CFAP20DC: variants seen among roughly 807,000 people sequenced by gnomAD.
CFAP20DC encodes CFAP20 domain containing, also known as protein CFAP20DC.
A neutral mutation model predicts 101.7 loss-of-function variants in CFAP20DC; 84 were observed. That is an observed-to-expected ratio of 0.83 (90% CI 0.69 to 0.99). The LOEUF (loss-of-function observed/expected upper bound fraction) is 0.99. CFAP20DC is among the 50% of genes least tolerant of loss of function. The pLI, the probability that CFAP20DC is intolerant of heterozygous loss-of-function variation, is 0.00. For missense variants in CFAP20DC, 1,007 were observed against 970.3 expected (o/e 1.04, Z -0.50); for synonymous variants, 359 against 351.2 (o/e 1.02, Z -0.25).
intron 5 of CFAP20DC, among the ~76,000 whole-genome samples, chr3:58,930,256 C>G (rs1235486414): frequency 3.3e-5 from 5 of 152,178 alleles, no homozygotes; most frequent in African/African-American, 1.2e-4. Context: ...CCCCACAGTC[C>G]TCACTAACCC....
intron 6 of CFAP20DC, among the ~76,000 whole-genome samples, chr3:58,908,999 G>T (rs1307801198): frequency 3.3e-5 from 5 of 152,126 alleles, no homozygotes; most frequent in Non-Finnish European, 5.9e-5. Flanking sequence ...GTTAGGGGAA[G>T]AAAGAAAGAA....
Position 58,899,774 on chromosome 3 carries a change from CT to C in CFAP20DC, c.550+13933del, listed in dbSNP as rs540465130. Among the ~76,000 whole-genome samples, 9 of 152,124 alleles carry C rather than the reference CT, an allele frequency of 5.9e-5. No individual in the cohort carries two copies. The highest frequency in any genetic ancestry group is 1.0e-4 in the Non-Finnish European group (7 of 68,008). On this transcript the variant is annotated intron_variant, in intron 6 of 16. Transcript: ENST00000482387. This position sits in a 1 kb window ranked among gnomAD's most constrained non-coding sequence, Gnocchi z 5.0. Reference sequence around the variant, plus strand: ...CCGGATGGGCCATCACCCCACCCTGCTTTTTTTCCATTCTCTGCAGGTCAAG... The same window carrying C: ...CCGGATGGGCCATCACCCCACCCTGCTTTTTTCCATTCTCTGCAGGTCAAG...
intron 5 of CFAP20DC, among the ~76,000 whole-genome samples, chr3:58,916,229 T>C (rs1191297346): frequency 6.6e-6 from 1 of 152,084 alleles, no homozygotes; most frequent in Admixed American, 6.6e-5. Flanking sequence ...GAGCAACAAA[T>C]ACATTTTCCA....
chr3:58,946,632 C>T (rs959662853), intron 4 of CFAP20DC, among the ~76,000 whole-genome samples: 1 of 152,158 alleles, frequency 6.6e-6, no homozygotes, highest in African/African-American at 2.4e-5. Context: ...CCCTCTGCTC[C>T]TGTCAAACCC....
chr3:58,961,148 A>G (rs2091100577), intron 4 of CFAP20DC, among the ~76,000 whole-genome samples: 2 of 152,148 alleles, frequency 1.3e-5, no homozygotes, highest in African/African-American at 4.8e-5. Context: ...GTTTTCTAAT[A>G]TTTTTGTTGA....
chr3:58,832,318 T>A (rs2076453279), intron 13 of CFAP20DC, among the ~76,000 whole-genome samples: 1 of 152,150 alleles, frequency 6.6e-6, no homozygotes, highest in Admixed American at 6.5e-5. Flanking sequence ...ACTGATGGAA[T>A]TGTTTCTGGA....
At chr3:58,773,485 G>T (rs1179064636) in intron 15 of CFAP20DC, among the ~76,000 whole-genome samples, 7 of 152,028 alleles carry the variant, frequency 4.6e-5, no homozygotes, top group Non-Finnish European at 8.8e-5. Context: ...GAGCCTGGAG[G>T]GTCGAGGCTA....
At chr3:58,855,522 A>C (rs866468007) in intron 12 of CFAP20DC, among the ~76,000 whole-genome samples, 3 of 152,180 alleles carry the variant, frequency 2.0e-5, no homozygotes. Flanking sequence ...ATGCTGCTAT[A>C]AAGACACGTG....
At chr3:58,951,438 C>T (rs1341278275) in intron 4 of CFAP20DC, among the ~76,000 whole-genome samples, 3 of 152,262 alleles carry the variant, frequency 2.0e-5, no homozygotes, top group African/African-American at 7.2e-5. Context: ...AATCATGCTG[C>T]TATAAAGACA....
chr3:58,943,782 A>G (rs1045198257), intron 4 of CFAP20DC, among the ~76,000 whole-genome samples: 8 of 152,160 alleles, frequency 5.3e-5, no homozygotes, highest in Non-Finnish European at 8.8e-5. Flanking sequence ...ACTCTAAGCT[A>G]AAGGAGCATG....
At chr3:58,812,140 A>G (rs1575718783) in intron 14 of CFAP20DC, among the ~76,000 whole-genome samples, 1 of 152,182 alleles carries the variant, frequency 6.6e-6, no homozygotes, top group Non-Finnish European at 1.5e-5. Context: ...TGTGGAAGTC[A>G]GTGTGGCGAT....
chr3:58,850,154 C>T (rs527599219), intron 12 of CFAP20DC, among the ~76,000 whole-genome samples: 1 of 152,050 alleles, frequency 6.6e-6, no homozygotes, highest in African/African-American at 2.4e-5. Context: ...AAATCAATGG[C>T]AATGAAAGTA....
At chr3:58,777,730 CCCCT>C (rs2071461505) in intron 15 of CFAP20DC, among the ~76,000 whole-genome samples, 1 of 152,054 alleles carries the variant, frequency 6.6e-6, no homozygotes, top group Non-Finnish European at 1.5e-5. Context: ...AAGTGGGAGG[CCCCT>C]ACTGGTCCAT....
At chr3:58,753,964 C>CT (rs2068749355) in intron 15 of CFAP20DC, 101 bp from the exon 16 acceptor site, 5 of 699,778 alleles carry the variant, frequency 7.1e-6, no homozygotes, top group Non-Finnish European at 1.2e-5. Context: ...AAAAGAAACA[C>CT]TTTTTTTCCT....
At chr3:58,851,745 G>A (rs768126936) in intron 12 of CFAP20DC, among the ~76,000 whole-genome samples, 18 of 148,538 alleles carry the variant, frequency 1.2e-4, no homozygotes, top group Non-Finnish European at 1.5e-4. Flanking sequence ...ATTACTAACT[G>A]AAAAAAAAAC....
At chr3:58,835,971 T>C (rs2076709459) in intron 13 of CFAP20DC, among the ~76,000 whole-genome samples, 1 of 152,180 alleles carries the variant, frequency 6.6e-6, no homozygotes, top group Non-Finnish European at 1.5e-5. Context: ...AATATCCTTG[T>C]AGGAAAGAGG....
intron 14 of CFAP20DC, among the ~76,000 whole-genome samples, chr3:58,814,301 C>T (rs1001018065): frequency 1.3e-5 from 2 of 151,938 alleles, no homozygotes; most frequent in Non-Finnish European, 2.9e-5. Context: ...TGACTCAGCC[C>T]CTCCTTGCTT....
Position 58,914,696 on chromosome 3 carries a change from T to C in CFAP20DC, c.394-832A>G, listed in dbSNP as rs970929982. On this transcript the variant is annotated intron_variant, in intron 5 of 16. Coordinates refer to ENST00000482387, the MANE Select transcript of CFAP20DC (RefSeq NM_001394063.1). This position sits in a 1 kb window ranked among gnomAD's most constrained non-coding sequence, Gnocchi z 4.9. ...TATATAAATATATATATATATATTT[T>C]TTTTCTTTTTTTTAAAGACAAATCT... Among the ~76,000 whole-genome samples, 1 of 149,918 alleles carries C rather than the reference T, an allele frequency of 6.7e-6. No homozygotes were observed. Among genetic ancestry groups the C allele is most frequent in the Non-Finnish European group, 1.5e-5 (1 of 67,508 alleles).
At chr3:58,754,576 G>A (rs1364978267) in intron 15 of CFAP20DC, among the ~76,000 whole-genome samples, 1 of 152,144 alleles carries the variant, frequency 6.6e-6, no homozygotes, top group Non-Finnish European at 1.5e-5. Flanking sequence ...CAGGCAGGAG[G>A]ATGTAAAAGA....
Sources: allele counts gnomAD v4.1 joint callset (sites outside exome capture counted in the v4.1 genomes callset), GRCh38; gene constraint gnomAD v4.1.1; non-coding constraint Gnocchi (gnomAD v3.1); transcripts MANE v1.5; gene names NCBI Gene and HGNC (gene_info 2026-07-23, HGNC 2026-07-21).